Variants in PTPRG observed in about 807,000 individuals in gnomAD.
The protein encoded by PTPRG is receptor-type tyrosine-protein phosphatase gamma.
PTPRG carries 102 observed loss-of-function variants against 165.3 expected under a neutral mutation model. That is an observed-to-expected ratio of 0.62 (90% CI 0.53 to 0.73). PTPRG has a LOEUF of 0.73. Among genes scored for constraint, PTPRG ranks in the 30% least tolerant of loss-of-function variants. The pLI is 0.00. For missense variants in PTPRG, 1,866 were observed against 1,861.4 expected (o/e 1.00, Z -0.05); for synonymous variants, 675 against 669.5 (o/e 1.01, Z -0.13).
intron 1 of PTPRG, among the ~76,000 whole-genome samples, chr3:61,643,634 G>T (rs1001827978): frequency 2.0e-5 from 3 of 152,084 alleles, no homozygotes; most frequent in East Asian, 1.9e-4. Context: ...ACAAAAATTA[G>T]CTGGGAATGG....
chr3:62,194,409 C>G (rs771771571), intron 9 of PTPRG, among the ~76,000 whole-genome samples: 1 of 152,212 alleles, frequency 6.6e-6, no homozygotes, highest in Non-Finnish European at 1.5e-5. Context: ...CAGAACCCCA[C>G]AGCTTGTGAG....
At position 62,137,643 on chromosome 3, in the gene PTPRG, C is replaced by G. The variant is rs1703761321; in HGVS notation, c.682+4975C>G. ...AAGCTGTAGTGGATCAGACCGGCAG[C>G]AGAGACCACCGTGATCTTTTTTTGG... On this transcript the variant is annotated intron_variant, in intron 6 of 29. Coordinates refer to ENST00000474889, the MANE Select transcript of PTPRG (RefSeq NM_002841.4). Among the ~76,000 whole-genome samples the G allele has an allele frequency of 2.6e-5, 4 of 152,236 alleles. 1 individual carries two copies. In the South Asian group the frequency reaches 8.3e-4, roughly 32 times the overall value.
intron 4 of PTPRG, among the ~76,000 whole-genome samples, chr3:62,051,083 A>C (rs1700455150): frequency 6.6e-6 from 1 of 152,230 alleles, no homozygotes; most frequent in East Asian, 1.9e-4. Context: ...TACAGAGTAC[A>C]GAAAGCCACT....
intron 5 of PTPRG, among the ~76,000 whole-genome samples, chr3:62,085,604 C>T (rs2106779081): frequency 6.6e-6 from 1 of 152,210 alleles, no homozygotes; most frequent in Non-Finnish European, 1.5e-5. Flanking sequence ...TACTAGGGTT[C>T]CTCTATGATA....
At chr3:61,797,001 AT>A (rs2035067113) in intron 2 of PTPRG, among the ~76,000 whole-genome samples, 1 of 152,126 alleles carries the variant, frequency 6.6e-6, no homozygotes, top group Non-Finnish European at 1.5e-5. Flanking sequence ...AGCTTTATAT[AT>A]TTGGAAATAA....
Position 62,195,223 on chromosome 3 carries a change from A to G in PTPRG, c.1327+53A>G, listed in dbSNP as rs756360029. On this transcript the variant is annotated intron_variant, in intron 10 of 29. Transcript: ENST00000474889. The surrounding 1 kb of genome is among the most constrained non-coding windows in gnomAD (Gnocchi z 4.4). The stretch of plus-strand genomic sequence containing the variant: ...GGGGTGCCCCTGAGACTCCCTCCCA[A>G]TGCTTTCTGCTTCTTCCTGCTCAGG... 25 of 1,455,870 alleles carry G rather than the reference A, an allele frequency of 1.7e-5. No homozygotes were observed. The African/African-American group carries it at 2.2e-4, about 13-fold the overall frequency. 90.2% of individuals were successfully genotyped at this position (1,455,870 alleles called of 1,614,324 possible).
At chr3:61,698,520 A>G (rs2030741969) in intron 1 of PTPRG, among the ~76,000 whole-genome samples, 1 of 152,218 alleles carries the variant, frequency 6.6e-6, no homozygotes, top group African/African-American at 2.4e-5. Flanking sequence ...GTGTCAATAC[A>G]GCCTTACTTA....
rs1043736661 is a variant in PTPRG, at chr3:61,575,408, A to G, written c.85+13036A>G. Among the ~76,000 whole-genome samples, 6 of 152,140 alleles carry G rather than the reference A, an allele frequency of 3.9e-5. No individual in the cohort carries two copies. The South Asian group carries it at 1.2e-3, about 32-fold the overall frequency. Reference sequence around the variant, plus strand: ...CAGTGGCAAATGTGTATTTAAAAAAAAATGCATTTTTTTGCAGGTACCAGA... The same window carrying G: ...CAGTGGCAAATGTGTATTTAAAAAAGAATGCATTTTTTTGCAGGTACCAGA... On this transcript the variant is annotated intron_variant, in intron 1 of 29. Coordinates refer to ENST00000474889, the MANE Select transcript of PTPRG (RefSeq NM_002841.4).
intron 4 of PTPRG, among the ~76,000 whole-genome samples, chr3:62,053,122 A>G (rs1401687822): frequency 6.6e-6 from 1 of 152,004 alleles, no homozygotes; most frequent in Non-Finnish European, 1.5e-5. Flanking sequence ...TTTCCTAAGG[A>G]TACATCAAAC....
chr3:61,620,047 A>G (rs938869339), intron 1 of PTPRG, among the ~76,000 whole-genome samples: 3 of 152,298 alleles, frequency 2.0e-5, no homozygotes, highest in Non-Finnish European at 2.9e-5. Context: ...TGCATTTTGT[A>G]TACACAGTTC....
intron 1 of PTPRG, among the ~76,000 whole-genome samples, chr3:61,682,149 C>CACAAAAA (rs1553649074): frequency 1.0e-5 from 1 of 96,784 alleles, no homozygotes; most frequent in Non-Finnish European, 1.9e-5. Flanking sequence ...ACTCCTGTCT[C>CACAAAAA]AAAAAAAAAA....
At chr3:61,878,219 G>A (rs528750687) in intron 2 of PTPRG, among the ~76,000 whole-genome samples, 8 of 152,248 alleles carry the variant, frequency 5.3e-5, no homozygotes, top group Non-Finnish European at 5.9e-5. Flanking sequence ...ATTAATTTCC[G>A]AAGTCTTGAC....
intron 12 of PTPRG, among the ~76,000 whole-genome samples, chr3:62,208,480 G>T (rs1700282522): frequency 6.6e-6 from 1 of 152,146 alleles, no homozygotes; most frequent in Non-Finnish European, 1.5e-5. Context: ...CTCAGTATGT[G>T]AACACTCATT....
intron 1 of PTPRG, among the ~76,000 whole-genome samples, chr3:61,590,493 C>G (rs1452379330): frequency 6.6e-6 from 1 of 152,002 alleles, no homozygotes; most frequent in Non-Finnish European, 1.5e-5. Flanking sequence ...CACTGCACTC[C>G]AGCCTGGGCA....
chr3:61,752,785 C>CAAAAAAAA (rs749817659), intron 2 of PTPRG, among the ~76,000 whole-genome samples: 939 of 69,904 alleles, frequency 0.013, 52 homozygotes, highest in African/African-American at 0.046. Flanking sequence ...AAGACTGTCT[C>CAAAAAAAA]AAAAAAAAAA....
chr3:61,590,987 G>A (rs917368304), intron 1 of PTPRG, among the ~76,000 whole-genome samples: 10 of 152,174 alleles, frequency 6.6e-5, no homozygotes, highest in African/African-American at 9.6e-5. Context: ...GTGCATGCCT[G>A]TAATCCCAGC....
chr3:62,191,418 A>C (rs1472886660), intron 8 of PTPRG, 51 bp from the exon 9 acceptor site: 2 of 1,568,056 alleles, frequency 1.3e-6, no homozygotes, highest in Non-Finnish European at 1.7e-6. Context: ...GCACGGATTG[A>C]ATGGCGCATT....
At chr3:62,014,292 C>T (rs1380176682) in intron 4 of PTPRG, among the ~76,000 whole-genome samples, 4 of 152,056 alleles carry the variant, frequency 2.6e-5, no homozygotes, top group African/African-American at 4.8e-5. Flanking sequence ...TTTGGCCTGG[C>T]GCTGTATTGA....
intron 2 of PTPRG, among the ~76,000 whole-genome samples, chr3:61,873,088 T>G (rs963229213): frequency 6.6e-6 from 1 of 152,142 alleles, no homozygotes; most frequent in Middle Eastern, 3.2e-3. Flanking sequence ...TTTGGGGAGC[T>G]GTATATATTC....
Sources: allele counts gnomAD v4.1 joint callset (sites outside exome capture counted in the v4.1 genomes callset), GRCh38; gene constraint gnomAD v4.1.1; non-coding constraint Gnocchi (gnomAD v3.1); transcripts MANE v1.5; gene names NCBI Gene and HGNC (gene_info 2026-07-23, HGNC 2026-07-21).